ARHGEF3: variants seen among roughly 807,000 people sequenced by gnomAD.
ARHGEF3 encodes Rho guanine nucleotide exchange factor 3.
ARHGEF3 carries 28 observed loss-of-function variants against 63.2 expected under a neutral mutation model. That is an observed-to-expected ratio of 0.44 (90% confidence interval 0.33 to 0.61). ARHGEF3 has a LOEUF of 0.61. Ranked by LOEUF, ARHGEF3 falls within the 20% of genes least tolerant of loss-of-function variation. The pLI, the probability that ARHGEF3 is intolerant of heterozygous loss-of-function variation, is 0.03. For missense variants in ARHGEF3, 533 were observed against 659.3 expected (o/e 0.81, Z 2.10); for synonymous variants, 266 against 254.2 (o/e 1.05, Z -0.44).
chr3:56,875,298 C>G (rs2040550286), intron 4 of ARHGEF3, among the ~76,000 whole-genome samples: 1 of 152,142 alleles, frequency 6.6e-6, no homozygotes, highest in Non-Finnish European at 1.5e-5. Context: ...GCAATTTGGT[C>G]CCTTCCTCCC....
intron 7 of ARHGEF3, among the ~76,000 whole-genome samples, chr3:56,744,884 A>C (rs933483387): frequency 6.6e-6 from 1 of 152,202 alleles, no homozygotes; most frequent in Non-Finnish European, 1.5e-5. Context: ...ACAAAATTTA[A>C]AATATACACA....
In ARHGEF3 at chr3:57,066,085, G is replaced by C. The variant is rs1428635871; in HGVS notation, c.-28+13141C>G. 4.0e-5 allele frequency among the ~76,000 whole-genome samples: 6 copies of C among 151,422 alleles called. No individual in the cohort carries two copies. The East Asian group carries it at 9.7e-4, about 24-fold the overall frequency. Reference sequence around the variant, plus strand: ...ATGTAAGAAAAAATCCTTTCAATCAGAACAAGAAACTCTGCACCCCCACTG... The same window carrying C: ...ATGTAAGAAAAAATCCTTTCAATCACAACAAGAAACTCTGCACCCCCACTG... On this transcript the variant is annotated intron_variant, in intron 1 of 12. Transcript: ENST00000338458.
At chr3:56,733,253 A>T (rs1421501596) in intron 8 of ARHGEF3, among the ~76,000 whole-genome samples, 1 of 147,168 alleles carries the variant, frequency 6.8e-6, no homozygotes, top group African/African-American at 2.5e-5. Context: ...ACTGCACTCC[A>T]GTCTGGGCGA....
chr3:56,999,455 C>T (rs900417720), intron 2 of ARHGEF3, among the ~76,000 whole-genome samples: 1 of 152,182 alleles, frequency 6.6e-6, no homozygotes, highest in Non-Finnish European at 1.5e-5. Context: ...TTAAAGAACA[C>T]ACTGTCTTAA....
intron 2 of ARHGEF3, among the ~76,000 whole-genome samples, chr3:56,769,574 T>C (rs2107824559): frequency 6.6e-6 from 1 of 152,340 alleles, no homozygotes; most frequent in Admixed American, 6.5e-5. Flanking sequence ...CTGCAGTGTC[T>C]TGCTGAACTG....
chr3:56,781,730 G>A (rs1271773860), intron 1 of ARHGEF3, among the ~76,000 whole-genome samples: 4 of 152,212 alleles, frequency 2.6e-5, no homozygotes, highest in African/African-American at 9.7e-5. Flanking sequence ...ATAGTTTGGA[G>A]GACTTTGTGA....
At chr3:56,990,678 A>T (rs1701714751) in intron 2 of ARHGEF3, among the ~76,000 whole-genome samples, 1 of 152,244 alleles carries the variant, frequency 6.6e-6, no homozygotes, top group South Asian at 2.1e-4. Flanking sequence ...CTCTGAATGT[A>T]ACCAAAGCCT....
intron 3 of ARHGEF3, among the ~76,000 whole-genome samples, chr3:56,957,791 C>A (rs1700107657): frequency 6.6e-6 from 1 of 152,062 alleles, no homozygotes; most frequent in Admixed American, 6.6e-5. Flanking sequence ...GTGCTCTAGG[C>A]AGAAGGAACA....
chr3:56,863,346 C>A (rs1481888893), intron 4 of ARHGEF3, among the ~76,000 whole-genome samples: 1 of 150,598 alleles, frequency 6.6e-6, no homozygotes, highest in Non-Finnish European at 1.5e-5. Context: ...GTCGCCCAGG[C>A]TGGAGTGCAG....
intron 4 of ARHGEF3, among the ~76,000 whole-genome samples, chr3:56,821,166 A>T (rs902499630): frequency 1.3e-5 from 2 of 151,834 alleles, no homozygotes; most frequent in Non-Finnish European, 2.9e-5. Context: ...CTCAAAAAAA[A>T]ATAAATAAAT....
intron 4 of ARHGEF3, among the ~76,000 whole-genome samples, chr3:56,878,441 G>A (rs928457373): frequency 7.2e-5 from 11 of 152,096 alleles, no homozygotes; most frequent in East Asian, 1.9e-4. Context: ...TGGGTGAGGC[G>A]GTGGGAAAAA....
chr3:56,835,336 C>T (rs201903767), intron 4 of ARHGEF3, among the ~76,000 whole-genome samples: 7 of 151,974 alleles, frequency 4.6e-5, no homozygotes, highest in East Asian at 1.9e-4. Context: ...CCACCATGCC[C>T]GGCTAATTTT....
intron 3 of ARHGEF3, among the ~76,000 whole-genome samples, chr3:56,919,390 T>G (rs2042068517): frequency 6.6e-6 from 1 of 152,210 alleles, no homozygotes; most frequent in Non-Finnish European, 1.5e-5. Flanking sequence ...ACATCTTATT[T>G]TTTTCAAAAA....
intron 2 of ARHGEF3, among the ~76,000 whole-genome samples, chr3:56,768,296 T>C (rs1578458780): frequency 6.6e-6 from 1 of 152,262 alleles, no homozygotes; most frequent in Middle Eastern, 3.4e-3. Context: ...TGACCTCTGG[T>C]GATCCACCCG....
chr3:57,026,629 C>T (rs1171185297), intron 2 of ARHGEF3, among the ~76,000 whole-genome samples: 2 of 152,102 alleles, frequency 1.3e-5, no homozygotes, highest in Non-Finnish European at 2.9e-5. Context: ...TAGGTGCCAC[C>T]ATCTACCCTA....
At chr3:56,895,444 T>C (rs2041267289) in intron 3 of ARHGEF3, among the ~76,000 whole-genome samples, 1 of 149,098 alleles carries the variant, frequency 6.7e-6, no homozygotes, top group Non-Finnish European at 1.5e-5. Context: ...CATATTCAGG[T>C]CCATTGTTCT....
At chr3:56,849,049 T>C (rs1228052471) in intron 4 of ARHGEF3, among the ~76,000 whole-genome samples, 2 of 152,226 alleles carry the variant, frequency 1.3e-5, no homozygotes, top group Non-Finnish European at 2.9e-5. Context: ...TATCAGCAGG[T>C]ATCCGCTCTT....
At chr3:57,074,687 G>A (rs1286721387) in intron 1 of ARHGEF3, 2 of 194,562 alleles carry the variant, frequency 1.0e-5, no homozygotes, top group Non-Finnish European at 2.4e-5. Context: ...CTCTGGGTAA[G>A]TGCCACTAGG....
At chr3:56,952,736 T>C (rs1699868179) in intron 3 of ARHGEF3, among the ~76,000 whole-genome samples, 1 of 152,076 alleles carries the variant, frequency 6.6e-6, no homozygotes, top group Non-Finnish European at 1.5e-5. Flanking sequence ...GTTTTAGTAA[T>C]TACCATTACA....
Sources: gnomAD v4.1 joint callset for allele counts (sites outside exome capture counted in the v4.1 genomes callset) on GRCh38, gnomAD v4.1.1 for gene constraint, MANE v1.5 for transcripts, NCBI Gene and HGNC (gene_info 2026-07-23, HGNC 2026-07-21) for gene names.